The following PDGFRB variants were observed in gnomAD, a reference collection of about 807,000 sequenced individuals.
The protein encoded by PDGFRB is platelet-derived growth factor receptor beta.
PDGFRB carries 42 observed loss-of-function variants against 120.2 expected under a neutral mutation model. That is an observed-to-expected ratio of 0.35 (90% CI 0.27 to 0.45). The LOEUF (loss-of-function observed/expected upper bound fraction) is 0.45, where lower values mean the gene tolerates loss of function less well. Among genes scored for constraint, PDGFRB ranks in the 20% least tolerant of loss-of-function variants. The pLI, the probability that PDGFRB is intolerant of heterozygous loss-of-function variation, is 1.00. For synonymous variants in PDGFRB, 586 were observed against 606.8 expected, an observed-to-expected ratio of 0.97 and a Z score of 0.50; for missense variants, 1,149 against 1,476.3, an observed-to-expected ratio of 0.78 and a Z score of 3.63.
Position 150,117,606 on chromosome 5 carries a change from C to T in PDGFRB, c.3137+12G>A. 1.3e-6 allele frequency: 2 copies of T among 1,491,768 alleles called. No individual in the cohort carries two copies. Among genetic ancestry groups the T allele is most frequent in the Non-Finnish European group, 1.9e-6 (2 of 1,070,230 alleles). The allele number at this position is 1,491,768 out of a possible 1,614,324, so 92.4% of individuals were successfully genotyped here. ...GTGCACAATTTCCTTGGCCCCAGGCCAGGGTGGTTACCTGGCTAGGCTGGG... is the reference window on the plus strand; with the variant it reads ...GTGCACAATTTCCTTGGCCCCAGGCTAGGGTGGTTACCTGGCTAGGCTGGG... On this transcript the variant is annotated intron_variant, in intron 22 of 22. Coordinates refer to ENST00000261799, the MANE Select transcript of PDGFRB (RefSeq NM_002609.4).
chr5:150,118,267 C>A (rs1017247567), intron 21 of PDGFRB, among the ~76,000 whole-genome samples: 7 of 152,220 alleles, frequency 4.6e-5, no homozygotes, highest in Non-Finnish European at 7.3e-5. Context: ...AAAGAAGGAG[C>A]TGCCTCTGTG....
In PDGFRB at chr5:150,114,135, C is replaced by T. The variant is rs751212863; in HGVS notation, c.*1628G>A. On this transcript the variant is annotated 3_prime_UTR_variant, in exon 23 of 23. Transcript: ENST00000261799. ...CACCCCCTTCCCAACCCTCCCCGTG[C>T]GGGGGCGTCTTGGCTACAACCCTGA... 36 of 233,354 alleles carry T rather than the reference C, an allele frequency of 1.5e-4. No homozygotes were observed. The highest frequency in any genetic ancestry group is 1.1e-3 in the East Asian group (19 of 16,536). The allele number at this position is 233,354 out of a possible 1,614,324, so 14.5% of individuals were successfully genotyped here.
At chr5:150,143,890 T>G (rs997270037) in intron 1 of PDGFRB, among the ~76,000 whole-genome samples, 1 of 152,074 alleles carries the variant, frequency 6.6e-6, no homozygotes, top group African/African-American at 2.4e-5. Flanking sequence ...GGGATCACTC[T>G]AAGGGCTACA....
chr5:150,124,618 C>A lies in PDGFRB; in HGVS notation c.1912+109G>T, dbSNP rs1008835312. On this transcript the variant is annotated intron_variant, in intron 13 of 22. Transcript: ENST00000261799. ...AGTGCCTGCTGCAGTGTGATGGCCC[C>A]TCTAGTGCCTGCAAATCAGCATCAG... The A allele has an allele frequency of 9.4e-6, 6 of 639,250 alleles. No homozygotes were observed. In the Admixed American group the frequency reaches 1.7e-4, roughly 18 times the overall value. The allele number at this position is 639,250 out of a possible 1,614,324, so 39.6% of individuals were successfully genotyped here. A position where few individuals can be genotyped will look rare whatever the true frequency, so the allele number is the denominator to read the frequency against.
intron 3 of PDGFRB, among the ~76,000 whole-genome samples, 198 bp from the exon 4 acceptor site, chr5:150,135,214 T>C (rs1422288181): frequency 6.6e-6 from 1 of 152,064 alleles, no homozygotes; most frequent in Non-Finnish European, 1.5e-5. Flanking sequence ...AGTGCCAGGG[T>C]AAGAAAGAAG....
In PDGFRB at chr5:150,121,871, T is replaced by C. The variant is rs763958841; in HGVS notation, c.2344+9A>G. The stretch of plus-strand genomic sequence containing the variant: ...GGATGTGGGGTACTATGTCACTATG[T>C]CCACCCACCAGAGGGAACGTAGTTA... On this transcript the variant is annotated intron_variant, in intron 16 of 22. Transcript: ENST00000261799. This position sits in a 1 kb window ranked among gnomAD's most constrained non-coding sequence, Gnocchi z 4.1. 6 of 1,605,418 alleles carry C rather than the reference T, an allele frequency of 3.7e-6. No homozygotes were observed. In the South Asian group the frequency reaches 6.6e-5, roughly 18 times the overall value.
intron 14 of PDGFRB, among the ~76,000 whole-genome samples, chr5:150,123,507 C>T (rs1760206375): frequency 6.6e-6 from 1 of 152,168 alleles, no homozygotes; most frequent in East Asian, 1.9e-4. Flanking sequence ...GCAGTGTTGG[C>T]TCTTATTGAT....
rs1179049851 is a variant in PDGFRB at position 150,129,750 on chromosome 5, G to A, written c.1579+7C>T. On this transcript the variant is annotated splice_region_variant and intron_variant, in intron 10 of 22. Transcript: ENST00000261799. Reference sequence around the variant, plus strand: ...ATCGTCAGGGGCCACTGAGGCTGGGGACTCACAGTGTGGCACCACGATGAC... The same window carrying A: ...ATCGTCAGGGGCCACTGAGGCTGGGAACTCACAGTGTGGCACCACGATGAC... 3 of 1,606,882 alleles carry A rather than the reference G, an allele frequency of 1.9e-6. No individual in the cohort carries two copies. Among genetic ancestry groups the A allele is most frequent in the Non-Finnish European group, 2.6e-6 (3 of 1,174,976 alleles).
chr5:150,136,191 C>T (rs920486200), intron 2 of PDGFRB, among the ~76,000 whole-genome samples: 1 of 152,216 alleles, frequency 6.6e-6, no homozygotes, highest in African/African-American at 2.4e-5. Context: ...CCCTGGCCTC[C>T]AGTTCCTGCA....
chr5:150,131,175 G>A (rs866354168), intron 8 of PDGFRB, among the ~76,000 whole-genome samples: 5 of 151,828 alleles, frequency 3.3e-5, no homozygotes, highest in African/African-American at 7.3e-5. Flanking sequence ...TCTTCATTTC[G>A]GTCATAGTAA....
At chr5:150,130,746 A>T in intron 8 of PDGFRB, 84 bp from the exon 9 acceptor site, 1 of 1,236,908 alleles carries the variant, frequency 8.1e-7, no homozygotes, top group Non-Finnish European at 1.1e-6. Context: ...CCTGGCCCAG[A>T]GACTCTCTTG....
At chr5:150,118,704 A>G (rs1476679493) in intron 21 of PDGFRB, 43 bp downstream of exon 21, 4 of 1,204,470 alleles carry the variant, frequency 3.3e-6, no homozygotes, top group Non-Finnish European at 5.0e-6. Context: ...TGACTTCTGC[A>G]CCAGAGCTCT....
At chr5:150,117,527 AGCGCGC>A (rs148754488) in intron 22 of PDGFRB, 85 bp downstream of exon 22, 367 of 557,100 alleles carry the variant, frequency 6.6e-4, no homozygotes, top group African/African-American at 1.7e-3. Flanking sequence ...CAAACCTGGC[AGCGCGC>A]GCGCGCGCGC....
chr5:150,118,454 C>T (rs1311427938), intron 21 of PDGFRB, among the ~76,000 whole-genome samples: 2 of 152,140 alleles, frequency 1.3e-5, no homozygotes, highest in African/African-American at 2.4e-5. Context: ...CCCCACGGTT[C>T]GGTATGGAGG....
intron 1 of PDGFRB, among the ~76,000 whole-genome samples, chr5:150,149,866 G>A (rs58929053): frequency 0.034 from 5,112 of 152,190 alleles, 312 homozygotes; most frequent in African/African-American, 0.12. Context: ...TTCTCAGAAG[G>A]GAAGGTAACA....
chr5:150,148,735 C>A (rs1045408120), intron 1 of PDGFRB, among the ~76,000 whole-genome samples: 1 of 152,258 alleles, frequency 6.6e-6, no homozygotes, highest in African/African-American at 2.4e-5. Context: ...CTTGGCACAT[C>A]ATAGGTGCCC....
intron 22 of PDGFRB, 33 bp downstream of exon 22, chr5:150,117,585 A>G (rs767561483): frequency 3.5e-6 from 4 of 1,130,986 alleles, no homozygotes; most frequent in Admixed American, 3.4e-5. Context: ...CACACTGTGC[A>G]CAATTTCCTT....
At chr5:150,129,542 G>T (rs769256244) in intron 10 of PDGFRB, among the ~76,000 whole-genome samples, 10 of 152,338 alleles carry the variant, frequency 6.6e-5, no homozygotes, top group East Asian at 5.8e-4. Context: ...TCATATCCAT[G>T]GCTTACAGAC....
chr5:150,127,390 T>C (rs1432298897), intron 10 of PDGFRB, among the ~76,000 whole-genome samples: 1 of 152,144 alleles, frequency 6.6e-6, no homozygotes, highest in Non-Finnish European at 1.5e-5. Flanking sequence ...CTGTCCCCAA[T>C]CTATGCTTCT....
Sources: gnomAD v4.1 joint callset for allele counts (sites outside exome capture counted in the v4.1 genomes callset) on GRCh38, gnomAD v4.1.1 for gene constraint, Gnocchi (gnomAD v3.1) non-coding constraint, MANE v1.5 for transcripts, NCBI Gene and HGNC (gene_info 2026-07-23, HGNC 2026-07-21) for gene names.